Variants in TTC39C observed in about 807,000 individuals in gnomAD.
TTC39C encodes tetratricopeptide repeat domain 39C.
Under a neutral mutation model 76.3 loss-of-function variants are expected in TTC39C, and 33 were observed. The ratio of observed to expected loss-of-function variants is 0.43; its 90% CI spans 0.33 to 0.58. The LOEUF is 0.58. Ranked by LOEUF, TTC39C falls within the 20% of genes least tolerant of loss-of-function variation. The pLI, the probability that TTC39C is intolerant of heterozygous loss-of-function variation, is 0.04. For synonymous variants in TTC39C, 254 were observed against 260.6 expected, an observed-to-expected ratio of 0.97 and a Z score of 0.24; for missense variants, 595 against 701.4, an observed-to-expected ratio of 0.85 and a Z score of 1.71.
chr18:24,126,203 A>G (rs549503317), intron 10 of TTC39C, among the ~76,000 whole-genome samples: 112 of 151,482 alleles, frequency 7.4e-4, no homozygotes, highest in African/African-American at 1.8e-3. Context: ...GAAAAAGGGG[A>G]AAAAAAAAGA....
At chr18:24,022,911 C>G (rs966724339) in intron 1 of TTC39C, 2 of 977,064 alleles carry the variant, frequency 2.0e-6, no homozygotes, top group African/African-American at 3.5e-5. Flanking sequence ...CTCCTCTGCA[C>G]TCCTGCGGCA....
At chr18:24,040,346 G>A (rs1001296151) in intron 1 of TTC39C, among the ~76,000 whole-genome samples, 1 of 152,120 alleles carries the variant, frequency 6.6e-6, no homozygotes, top group African/African-American at 2.4e-5. Context: ...TGGAGTAAGA[G>A]GTTAAAATCA....
intron 1 of TTC39C, among the ~76,000 whole-genome samples, chr18:24,029,165 C>A (rs1011676421): frequency 6.7e-6 from 1 of 149,546 alleles, no homozygotes; most frequent in Non-Finnish European, 1.5e-5. Context: ...TGCAGTGGTG[C>A]GATCTCAGCT....
At chr18:24,032,652 C>A (rs188419644) in intron 1 of TTC39C, among the ~76,000 whole-genome samples, 2 of 152,336 alleles carry the variant, frequency 1.3e-5, no homozygotes, top group Admixed American at 1.3e-4. Context: ...CTGTGAACGT[C>A]ACATGAGATC....
intron 1 of TTC39C, among the ~76,000 whole-genome samples, chr18:24,018,739 G>A (rs903380543): frequency 3.9e-5 from 6 of 152,106 alleles, no homozygotes; most frequent in African/African-American, 1.4e-4. Flanking sequence ...GTGAGAGGTG[G>A]TGAGGTTTAA....
chr18:24,125,932 A>T (rs981488072), intron 10 of TTC39C, among the ~76,000 whole-genome samples: 6 of 152,212 alleles, frequency 3.9e-5, no homozygotes, highest in African/African-American at 1.4e-4. Context: ...TCACCCCTGT[A>T]ATCCCAGCAC....
chr18:24,045,154 A>G (rs536857483), intron 1 of TTC39C, among the ~76,000 whole-genome samples: 1 of 150,978 alleles, frequency 6.6e-6, no homozygotes, highest in Non-Finnish European at 1.5e-5. Flanking sequence ...CTGTAGTCTC[A>G]GCTATTTGGG....
intron 1 of TTC39C, among the ~76,000 whole-genome samples, chr18:24,009,051 G>C (rs1408224234): frequency 1.3e-5 from 2 of 152,104 alleles, no homozygotes; most frequent in African/African-American, 4.8e-5. Context: ...GTCTGCTTGA[G>C]GGTAGAGGCT....
At chr18:24,051,895 G>A (rs73402296) in intron 1 of TTC39C, among the ~76,000 whole-genome samples, 7,008 of 152,226 alleles carry the variant, frequency 0.046, 548 homozygotes, top group African/African-American at 0.16. Context: ...GGCATGTACT[G>A]GGGACCTGTT....
At chr18:24,067,240 G>A (rs980747755) in intron 3 of TTC39C, among the ~76,000 whole-genome samples, 4 of 152,118 alleles carry the variant, frequency 2.6e-5, no homozygotes, top group Admixed American at 6.5e-5. Context: ...GTTTTATAAC[G>A]TCTAATCAAT....
At chr18:24,105,925 C>T (rs1477617066) in intron 6 of TTC39C, among the ~76,000 whole-genome samples, 1 of 152,194 alleles carries the variant, frequency 6.6e-6, no homozygotes, top group South Asian at 2.1e-4. Context: ...CTGGCTTCTG[C>T]GGCTTGCTGG....
chr18:24,026,345 G>A (rs2083599938), intron 1 of TTC39C, among the ~76,000 whole-genome samples: 1 of 152,150 alleles, frequency 6.6e-6, no homozygotes, highest in African/African-American at 2.4e-5. Flanking sequence ...TAGTTAAATA[G>A]CAAAGGCTAA....
chr18:24,103,471 T>C (rs1278165825), intron 6 of TTC39C, among the ~76,000 whole-genome samples: 2 of 152,236 alleles, frequency 1.3e-5, no homozygotes, highest in Non-Finnish European at 2.9e-5. Flanking sequence ...GCAATTGGTC[T>C]GCATAGCCAG....
chr18:24,113,343 C>T, intron 6 of TTC39C: 2 of 535,888 alleles, frequency 3.7e-6, no homozygotes, highest in Non-Finnish European at 6.7e-6. Flanking sequence ...CCGAGGCCTC[C>T]TGCAGTGACG....
intron 10 of TTC39C, among the ~76,000 whole-genome samples, chr18:24,127,084 A>G (rs2085060204): frequency 6.6e-6 from 1 of 152,230 alleles, no homozygotes; most frequent in South Asian, 2.1e-4. Context: ...AAATGAAAAA[A>G]CTAACAACAA....
intron 1 of TTC39C, among the ~76,000 whole-genome samples, chr18:24,051,814 G>C (rs1305842547): frequency 6.6e-6 from 1 of 152,154 alleles, no homozygotes; most frequent in Non-Finnish European, 1.5e-5. Flanking sequence ...TTTTGACCCT[G>C]TGAGGACAGT....
At position 24,080,792 on chromosome 18, in the gene TTC39C, A is replaced by G; in HGVS notation, c.668A>G (p.Tyr223Cys). Residue 223 changes from tyrosine to cysteine, a missense_variant, in exon 5 of 14, where the codon TAT becomes TGT. Coordinates refer to ENST00000317571, the MANE Select transcript of TTC39C (RefSeq NM_001135993.2). ...NRLKGAVSFG[Y>C]GLFHLCISMV... ...CTGAAAGGTGCTGTTAGCTTTGGATATGGCCTTTTTCACCTTTGCATATCC... is the reference window on the plus strand; with the variant it reads ...CTGAAAGGTGCTGTTAGCTTTGGATGTGGCCTTTTTCACCTTTGCATATCC... 1 of 1,614,144 alleles carries G rather than the reference A, an allele frequency of 6.2e-7. No homozygotes were observed. The highest frequency in any genetic ancestry group is 1.1e-5 in the South Asian group (1 of 91,082).
At chr18:24,118,654 ATTTT>A (rs10537168) in intron 8 of TTC39C, among the ~76,000 whole-genome samples, 1 of 141,864 alleles carries the variant, frequency 7.0e-6, no homozygotes, top group Admixed American at 7.0e-5. Flanking sequence ...CAGTGTGTTA[ATTTT>A]TTTTTTTTTT....
intron 6 of TTC39C, among the ~76,000 whole-genome samples, chr18:24,083,954 C>T (rs908904201): frequency 5.3e-5 from 8 of 152,166 alleles, no homozygotes; most frequent in African/African-American, 1.7e-4. Flanking sequence ...ACCAGGCACT[C>T]TGAGAAATCA....
Sources: gnomAD v4.1 joint callset for allele counts (sites outside exome capture counted in the v4.1 genomes callset) on GRCh38, gnomAD v4.1.1 for gene constraint, MANE v1.5 for transcripts, NCBI Gene and HGNC (gene_info 2026-07-23, HGNC 2026-07-21) for gene names.